CEMIP2: variants seen among roughly 807,000 people sequenced by gnomAD.
CEMIP2 encodes the protein cell migration inducing hyaluronidase 2, also known as cell surface hyaluronidase CEMIP2.
A neutral mutation model predicts 146.9 loss-of-function variants in CEMIP2; 79 were observed. The observed-to-expected ratio is 0.54, with a 90% confidence interval of 0.45 to 0.65. The LOEUF (loss-of-function observed/expected upper bound fraction) is 0.65. Ranked by LOEUF, CEMIP2 falls within the 30% of genes least tolerant of loss-of-function variation. The pLI, the probability that CEMIP2 is intolerant of heterozygous loss-of-function variation, is 0.00. For synonymous variants in CEMIP2, 601 were observed against 606.3 expected, an observed-to-expected ratio of 0.99 and a Z score of 0.13; for missense variants, 1,596 against 1,696.2, an observed-to-expected ratio of 0.94 and a Z score of 1.04.
chr9:71,709,535 C>A, intron 16 of CEMIP2, 61 bp from the exon 17 acceptor site: 1 of 1,378,564 alleles, frequency 7.3e-7, no homozygotes, highest in African/African-American at 1.4e-5. Flanking sequence ...TCAGCATCCC[C>A]TGCAATGACT....
At chr9:71,706,930 C>A (rs919811165) in intron 17 of CEMIP2, among the ~76,000 whole-genome samples, 1 of 152,116 alleles carries the variant, frequency 6.6e-6, no homozygotes, top group South Asian at 2.1e-4. Flanking sequence ...TGGGTTCAAG[C>A]GATTCTCCTG....
intron 5 of CEMIP2, among the ~76,000 whole-genome samples, chr9:71,739,299 G>A (rs139003415): frequency 0.069 from 10,223 of 147,636 alleles, 513 homozygotes; most frequent in South Asian, 0.19. Flanking sequence ...CCTGGGAGGC[G>A]GAGGTTGCAG....
chr9:71,697,800 T>G (rs1822442454), intron 20 of CEMIP2, 185 bp downstream of exon 20: 3 of 577,482 alleles, frequency 5.2e-6, no homozygotes, highest in Non-Finnish European at 9.1e-6. Context: ...CAAGTATCTC[T>G]GTCATAAATT....
At chr9:71,691,420 G>GGAA (rs1235214168) in intron 21 of CEMIP2, among the ~76,000 whole-genome samples, 6 of 127,002 alleles carry the variant, frequency 4.7e-5, no homozygotes, top group African/African-American at 6.7e-5. Context: ...TCTGTCTCAG[G>GGAA]AAAAAAAAAA....
Position 71,712,145 on chromosome 9 carries a change from T to A in CEMIP2, c.2707A>T (p.Met903Leu), listed in dbSNP as rs567040815. 24 of 1,614,048 alleles carry A rather than the reference T, an allele frequency of 1.5e-5. No homozygotes were observed. The highest frequency in any genetic ancestry group is 1.9e-5 in the Non-Finnish European group (23 of 1,180,014). ...GGGGTTATCTGCCAGGAATTCTTCATGAGGAAGCCAATTGCACTGCTGTAC... is the reference window on the plus strand; with the variant it reads ...GGGGTTATCTGCCAGGAATTCTTCAAGAGGAAGCCAATTGCACTGCTGTAC... The part of the protein sequence containing the change: ...DRYSSAIGFL[M>L]KNSWQITPRN... The change falls in exon 16 of 24, where the codon ATG (methionine) becomes TTG (leucine). Residue 903 changes from methionine to leucine, a missense_variant. Coordinates refer to ENST00000377044, the MANE Select transcript of CEMIP2 (RefSeq NM_013390.3).
chr9:71,737,147 A>C (rs1286995824), intron 5 of CEMIP2, among the ~76,000 whole-genome samples: 3 of 126,168 alleles, frequency 2.4e-5, no homozygotes, highest in African/African-American at 8.7e-5. Flanking sequence ...CAAGAGTAAG[A>C]TCTTTCTCAA....
At chr9:71,705,667 A>G (rs1822711759) in intron 17 of CEMIP2, among the ~76,000 whole-genome samples, 1 of 148,724 alleles carries the variant, frequency 6.7e-6, no homozygotes, top group Non-Finnish European at 1.5e-5. Context: ...TAGACAGGAA[A>G]CATTTTTAAG....
chr9:71,721,462 C>A (rs186352274), intron 12 of CEMIP2, among the ~76,000 whole-genome samples: 236 of 152,254 alleles, frequency 1.6e-3, no homozygotes, highest in African/African-American at 5.3e-3. Flanking sequence ...GCTATCTGAT[C>A]ATTGCATCAA....
Position 71,742,530 on chromosome 9 carries a change from C to T in CEMIP2, c.1035-2298G>A, listed in dbSNP as rs118079430. Among the ~76,000 whole-genome samples, 951 of 152,280 alleles carry T rather than the reference C, an allele frequency of 6.2e-3. 4 individuals carry two copies. The highest frequency in any genetic ancestry group is 0.01 in the Non-Finnish European group (689 of 68,024). On this transcript the variant is annotated intron_variant, in intron 4 of 23. Coordinates refer to ENST00000377044, the MANE Select transcript of CEMIP2 (RefSeq NM_013390.3). The stretch of plus-strand genomic sequence containing the variant: ...TGGAGATAACGTCAATGCAATGGAA[C>T]GCTGGCAAAAGATCACAACTCTAAG...
Position 71,741,630 on chromosome 9 carries a change from G to GTT in CEMIP2, c.1035-1399_1035-1398insAA, listed in dbSNP as rs1823919462. 4.9e-5 allele frequency among the ~76,000 whole-genome samples: 5 copies of GTT among 101,962 alleles called. No individual in the cohort carries two copies. In the South Asian group the frequency reaches 1.1e-3, roughly 22 times the overall value. 66.9% of individuals were successfully genotyped at this position (101,962 alleles called of 152,430 possible). On this transcript the variant is annotated intron_variant, in intron 4 of 23. Coordinates refer to ENST00000377044, the MANE Select transcript of CEMIP2 (RefSeq NM_013390.3). ...ACACCATTATTTCTTTTTCTTTTCT[G>GTT]GTTTTTTTTTTTTTTTTTTTTTTTT...
chr9:71,728,250 T>TACAC lies in CEMIP2; in HGVS notation c.2049+1594_2049+1595insGTGT, dbSNP rs1564012216. On this transcript the variant is annotated intron_variant, in intron 10 of 23. Transcript: ENST00000377044. ...CTCTCTCTATATATATATATATATA[T>TACAC]GTATATACACGTATATATATATATA... is the stretch of plus-strand genomic sequence containing the variant. 4.3e-4 allele frequency among the ~76,000 whole-genome samples: 10 copies of TACAC among 23,448 alleles called. 1 individual carries two copies. Among genetic ancestry groups the TACAC allele is most frequent in the African/African-American group, 5.6e-4 (6 of 10,726 alleles). 15.4% of individuals were successfully genotyped at this position (23,448 alleles called of 152,430 possible). A position where few individuals can be genotyped will look rare whatever the true frequency, so the allele number is the denominator to read the frequency against.
At chr9:71,722,549 T>C (rs1823263723) in intron 11 of CEMIP2, 34 bp from the exon 12 acceptor site, 2 of 1,497,136 alleles carry the variant, frequency 1.3e-6, no homozygotes, top group Non-Finnish European at 1.9e-6. Flanking sequence ...GGAATGAATA[T>C]GAATCCCAAC....
chr9:71,708,396 T>C (rs1431213580), intron 17 of CEMIP2, among the ~76,000 whole-genome samples: 1 of 152,208 alleles, frequency 6.6e-6, no homozygotes, highest in Admixed American at 6.5e-5. Context: ...CACTGAACTA[T>C]GTGCCAGGCC....
Position 71,698,551 on chromosome 9 carries a change from G to T in CEMIP2, c.3378-347C>A, listed in dbSNP as rs777556088. Among the ~76,000 whole-genome samples, 29 of 152,194 alleles carry T rather than the reference G, an allele frequency of 1.9e-4. 1 individual carries two copies. Among genetic ancestry groups the T allele is most frequent in the Non-Finnish European group, 3.7e-4 (25 of 68,028 alleles). ...CTTTATACATAATGTGTTGAGTTTA[G>T]GATTTGGTAAATTAGTGTGGTTCAT... On this transcript the variant is annotated intron_variant, in intron 19 of 23. Coordinates refer to ENST00000377044, the MANE Select transcript of CEMIP2 (RefSeq NM_013390.3).
chr9:71,685,811 T>C lies in CEMIP2; in HGVS notation c.3887A>G (p.Lys1296Arg), dbSNP rs765491395. The change falls in exon 23 of 24, where the codon AAG becomes AGG. Residue 1296 changes from lysine (K) to arginine (R), a missense_variant. Lys to Arg is a conservative substitution (Grantham distance 26). Coordinates refer to ENST00000377044, the MANE Select transcript of CEMIP2 (RefSeq NM_013390.3). ...IVLLSTRGEIKQLNISHLLVP... is the reference protein window; with the variant it reads ...IVLLSTRGEIRQLNISHLLVP... Reference sequence around the variant, plus strand: ...TAGTAAGTGTGAAATGTTTAACTGCTTTATTTCTCCTCTTGTGCTCAACAG... The same window carrying C: ...TAGTAAGTGTGAAATGTTTAACTGCCTTATTTCTCCTCTTGTGCTCAACAG... The C allele has an allele frequency of 1.2e-6, 2 of 1,613,954 alleles. No individual in the cohort carries two copies. The highest frequency in any genetic ancestry group is 1.7e-6 in the Non-Finnish European group (2 of 1,179,972).
rs71353514 is a variant in CEMIP2 at position 71,735,001 on chromosome 9, C to CAAAA, written c.1205-11_1205-8dup. On this transcript the variant is annotated splice_region_variant and splice_polypyrimidine_tract_variant and intron_variant, in intron 5 of 23. Coordinates refer to ENST00000377044, the MANE Select transcript of CEMIP2 (RefSeq NM_013390.3). ...AATCCTGAAAGAGAAACGCCTAAACCAAAAAAAAAAAAAAGAAAAAGAAAG... is the reference window on the plus strand; with the variant it reads ...AATCCTGAAAGAGAAACGCCTAAACCAAAAAAAAAAAAAAAAAAGAAAAAGAAAG... The CAAAA allele has an allele frequency of 6.8e-7, 1 of 1,469,528 alleles. No homozygotes were observed. The highest frequency in any genetic ancestry group is 9.2e-7 in the Non-Finnish European group (1 of 1,092,198). 91.0% of individuals were successfully genotyped at this position (1,469,528 alleles called of 1,614,324 possible). A position where few individuals can be genotyped will look rare whatever the true frequency, so the allele number is the denominator to read the frequency against.
chr9:71,729,200 T>A (rs955228460), intron 10 of CEMIP2, among the ~76,000 whole-genome samples: 1 of 152,034 alleles, frequency 6.6e-6, no homozygotes, highest in Non-Finnish European at 1.5e-5. Flanking sequence ...CACATATGAC[T>A]TAAATATGAG....
At chr9:71,738,877 G>T (rs1380424306) in intron 5 of CEMIP2, among the ~76,000 whole-genome samples, 1 of 151,972 alleles carries the variant, frequency 6.6e-6, no homozygotes, top group Admixed American at 6.6e-5. Flanking sequence ...ATTTTGATTT[G>T]AAAGATCACT....
chr9:71,755,437 G>A (rs1224727633), intron 1 of CEMIP2, among the ~76,000 whole-genome samples: 1 of 151,766 alleles, frequency 6.6e-6, no homozygotes, highest in East Asian at 1.9e-4. Context: ...CTACTCCGGA[G>A]GCGGAGGCAG....
Sources: allele counts gnomAD v4.1 joint callset (sites outside exome capture counted in the v4.1 genomes callset), GRCh38; gene constraint gnomAD v4.1.1; transcripts MANE v1.5; gene names NCBI Gene and HGNC (gene_info 2026-07-23, HGNC 2026-07-21).